Variants in AGPAT4 observed in about 807,000 individuals in gnomAD.
The protein encoded by AGPAT4 is 1-acylglycerol-3-phosphate O-acyltransferase 4.
AGPAT4 carries 15 observed loss-of-function variants against 48.0 expected under a neutral mutation model. That is an observed-to-expected ratio of 0.31 (90% confidence interval 0.21 to 0.48). The LOEUF is 0.48. Ranked by LOEUF, AGPAT4 falls within the 20% of genes least tolerant of loss-of-function variation. The pLI is 0.99. For missense variants in AGPAT4, 314 were observed against 482.5 expected (o/e 0.65, Z 3.27); for synonymous variants, 178 against 198.7 (o/e 0.90, Z 0.88).
rs115023688 is a variant in AGPAT4, at chr6:161,158,660, C to T, written c.349-4350G>A. Among the ~76,000 whole-genome samples the T allele has an allele frequency of 0.01, 1,584 of 152,288 alleles. 29 individuals are homozygous for T. The highest frequency in any genetic ancestry group is 0.036 in the African/African-American group (1,479 of 41,560). ...GACCCTGGACGTTGGGAAGAGCTGACGCAGAGAGGGCCTGAGACCCAGTAC... is the reference window on the plus strand; with the variant it reads ...GACCCTGGACGTTGGGAAGAGCTGATGCAGAGAGGGCCTGAGACCCAGTAC... On this transcript the variant is annotated intron_variant, in intron 3 of 8. Transcript: ENST00000320285. This position sits in a 1 kb window ranked among gnomAD's most constrained non-coding sequence, Gnocchi z 5.3.
chr6:161,223,433 C>T lies in AGPAT4; in HGVS notation c.178+8603G>A, dbSNP rs1236487734. Among the ~76,000 whole-genome samples the T allele has an allele frequency of 6.6e-6, 1 of 152,180 alleles. No homozygotes were observed. Among genetic ancestry groups the T allele is most frequent in the African/African-American group, 2.4e-5 (1 of 41,442 alleles). ...AGGGGATTTTGGAATCTCAGCTCTC[C>T]TCCTCTCTGTTCGGCCTTAGGCAAG... On this transcript the variant is annotated intron_variant, in intron 2 of 8. Transcript: ENST00000320285. This position sits in a 1 kb window ranked among gnomAD's most constrained non-coding sequence, Gnocchi z 6.3.
intron 2 of AGPAT4, among the ~76,000 whole-genome samples, chr6:161,193,855 G>T (rs1780991249): frequency 6.6e-6 from 1 of 152,076 alleles, no homozygotes; most frequent in Non-Finnish European, 1.5e-5. Context: ...ATACTTTTAA[G>T]ATTTAAAAAT....
chr6:161,213,763 C>A (rs935479347), intron 2 of AGPAT4, among the ~76,000 whole-genome samples: 6 of 152,098 alleles, frequency 3.9e-5, no homozygotes, highest in Admixed American at 3.9e-4. Flanking sequence ...CCTCTATTTT[C>A]TCTTCATAGA....
At position 161,270,696 on chromosome 6, in the gene AGPAT4, C is replaced by T. The variant is rs1026290648; in HGVS notation, c.-90+3242G>A. ...ACTCGGGAGGCTGAGGCAGGAGAAT[C>T]GCTTGAATCCAGGAGGGGGAGGTTG... On this transcript the variant is annotated intron_variant, in intron 1 of 8. Coordinates refer to ENST00000320285, the MANE Select transcript of AGPAT4 (RefSeq NM_020133.3). This position sits in a 1 kb window ranked among gnomAD's most constrained non-coding sequence, Gnocchi z 5.3. Among the ~76,000 whole-genome samples, 1 of 152,240 alleles carries T rather than the reference C, an allele frequency of 6.6e-6. No individual in the cohort carries two copies. Among genetic ancestry groups the T allele is most frequent in the East Asian group, 1.9e-4 (1 of 5,174 alleles).
In AGPAT4 at chr6:161,232,217, G is replaced by A; in HGVS notation, c.-4C>T. On this transcript the variant is annotated 5_prime_UTR_variant, in exon 2 of 9. Transcript: ENST00000320285. The surrounding 1 kb of genome is among the most constrained non-coding windows in gnomAD (Gnocchi z 6.8). ...TCAGCAGTCCCGCGAGGTCCATGAT[G>A]CGTGGACGCTCTTATTCAGAAATAA... The A allele has an allele frequency of 1.2e-6, 2 of 1,612,984 alleles. No homozygotes were observed. Among genetic ancestry groups the A allele is most frequent in the Non-Finnish European group, 8.5e-7 (1 of 1,179,436 alleles).
rs1224611658 is a variant in AGPAT4, at chr6:161,189,688, C to T, written c.179-23271G>A. 6.6e-6 allele frequency among the ~76,000 whole-genome samples: 1 copy of T among 152,118 alleles called. No individual in the cohort carries two copies. The highest frequency in any genetic ancestry group is 1.5e-5 in the Non-Finnish European group (1 of 68,026). On this transcript the variant is annotated intron_variant, in intron 2 of 8. Transcript: ENST00000320285. The surrounding 1 kb of genome is among the most constrained non-coding windows in gnomAD (Gnocchi z 5.3). ...TGGGCTCCTCCATCAGTCTCTGGCC[C>T]CCTCTTCCACCTCACTGTCTCCACC...
At chr6:161,253,997 A>G (rs902443912) in intron 1 of AGPAT4, among the ~76,000 whole-genome samples, 1 of 152,190 alleles carries the variant, frequency 6.6e-6, no homozygotes, top group Non-Finnish European at 1.5e-5. Context: ...TGATTTTACT[A>G]TATATTAACA....
At position 161,166,773 on chromosome 6, in the gene AGPAT4, T is replaced by G. The variant is rs1341874385; in HGVS notation, c.179-356A>C. ...GGCAGCGTGAGATGAGGTATAGAAT[T>G]CTTAATATCCTGGAAAATGACTAAT... is the stretch of plus-strand genomic sequence containing the variant. On this transcript the variant is annotated intron_variant, in intron 2 of 8. Coordinates refer to ENST00000320285, the MANE Select transcript of AGPAT4 (RefSeq NM_020133.3). The surrounding 1 kb of genome is among the most constrained non-coding windows in gnomAD (Gnocchi z 6.7). Among the ~76,000 whole-genome samples, 1 of 152,126 alleles carries G rather than the reference T, an allele frequency of 6.6e-6. No individual in the cohort carries two copies. Among genetic ancestry groups the G allele is most frequent in the Non-Finnish European group, 1.5e-5 (1 of 68,024 alleles).
At chr6:161,247,893 A>G (rs1259224344) in intron 1 of AGPAT4, among the ~76,000 whole-genome samples, 3 of 151,218 alleles carry the variant, frequency 2.0e-5, no homozygotes, top group Non-Finnish European at 4.4e-5. Context: ...GAGGCAGGAC[A>G]ATCGCTTGAA....
Position 161,243,928 on chromosome 6 carries a change from T to G in AGPAT4, c.-89-11626A>C, listed in dbSNP as rs141389583. On this transcript the variant is annotated intron_variant, in intron 1 of 8. Transcript: ENST00000320285. The surrounding 1 kb of genome is among the most constrained non-coding windows in gnomAD (Gnocchi z 4.8). ...CACAAGTTTTAATGAAATGATTATG[T>G]CCTTATTCCCAGCCCAGAGGAAGGC... Among the ~76,000 whole-genome samples, 1 of 152,334 alleles carries G rather than the reference T, an allele frequency of 6.6e-6. No homozygotes were observed. Among genetic ancestry groups the G allele is most frequent in the Non-Finnish European group, 1.5e-5 (1 of 68,024 alleles).
rs892683085 is a variant in AGPAT4 at position 161,141,162 on chromosome 6, C to T, written c.844-1542G>A. Among the ~76,000 whole-genome samples the T allele has an allele frequency of 4.9e-4, 75 of 152,044 alleles. No homozygotes were observed. Among genetic ancestry groups the T allele is most frequent in the African/African-American group, 1.7e-3 (72 of 41,476 alleles). ...CACTAGGCCATTTTGGAAGGAGAAC[C>T]CCCAACCCCTTCCCTGGGCAGTTCA... On this transcript the variant is annotated intron_variant, in intron 7 of 8. Coordinates refer to ENST00000320285, the MANE Select transcript of AGPAT4 (RefSeq NM_020133.3). The surrounding 1 kb of genome is among the most constrained non-coding windows in gnomAD (Gnocchi z 6.7).
rs1443353871 is a variant in AGPAT4, at chr6:161,139,323, G to C, written c.1042+99C>G. ...CAAGCTGAGCCTGCTCCTCATCCAC[G>C]GCACAACTGCCTATACAGATGGCCT... On this transcript the variant is annotated intron_variant, in intron 8 of 8. Transcript: ENST00000320285. The surrounding 1 kb of genome is among the most constrained non-coding windows in gnomAD (Gnocchi z 9.1). The C allele has an allele frequency of 1.1e-5, 14 of 1,325,998 alleles. No homozygotes were observed. In the East Asian group the frequency reaches 2.8e-4, roughly 27 times the overall value. The allele number at this position is 1,325,998 out of a possible 1,614,324, so 82.1% of individuals were successfully genotyped here. A position where few individuals can be genotyped will look rare whatever the true frequency, so the allele number is the denominator to read the frequency against.
chr6:161,162,722 A>C (rs1479289884), intron 3 of AGPAT4, among the ~76,000 whole-genome samples: 1 of 152,244 alleles, frequency 6.6e-6, no homozygotes, highest in Non-Finnish European at 1.5e-5. Flanking sequence ...CAAATATCCC[A>C]GTTGGCCCGG....
intron 2 of AGPAT4, among the ~76,000 whole-genome samples, chr6:161,186,524 A>G (rs1780773438): frequency 6.6e-6 from 1 of 151,520 alleles, no homozygotes; most frequent in Admixed American, 6.6e-5. Context: ...CCTCCCTTCC[A>G]TCTCCAGCAC....
Position 161,262,687 on chromosome 6 carries a change from T to C in AGPAT4, c.-90+11251A>G, listed in dbSNP as rs1044899579. Among the ~76,000 whole-genome samples the C allele has an allele frequency of 6.6e-6, 1 of 152,148 alleles. No individual in the cohort carries two copies. The highest frequency in any genetic ancestry group is 1.5e-5 in the Non-Finnish European group (1 of 68,032). On this transcript the variant is annotated intron_variant, in intron 1 of 8. Transcript: ENST00000320285. The surrounding 1 kb of genome is among the most constrained non-coding windows in gnomAD (Gnocchi z 4.9). ...TGCTCAGAAGGTTTGGGTCCGATTA[T>C]TCTTCAGTCCCACGGGGGAGTGAGA...
At position 161,243,501 on chromosome 6, in the gene AGPAT4, G is replaced by A. The variant is rs1358743628; in HGVS notation, c.-89-11199C>T. Among the ~76,000 whole-genome samples the A allele has an allele frequency of 6.6e-6, 1 of 152,212 alleles. No individual in the cohort carries two copies. The highest frequency in any genetic ancestry group is 1.5e-5 in the Non-Finnish European group (1 of 68,038). ...CAAGGCTGTGTGCCCAGAGCCTGCAGGAGAGGCGCTGTTTCCTAGCTGTGC... is the reference window on the plus strand; with the variant it reads ...CAAGGCTGTGTGCCCAGAGCCTGCAAGAGAGGCGCTGTTTCCTAGCTGTGC... On this transcript the variant is annotated intron_variant, in intron 1 of 8. Transcript: ENST00000320285. The surrounding 1 kb of genome is among the most constrained non-coding windows in gnomAD (Gnocchi z 4.8).
At position 161,197,649 on chromosome 6, in the gene AGPAT4, T is replaced by C. The variant is rs1428922874; in HGVS notation, c.179-31232A>G. On this transcript the variant is annotated intron_variant, in intron 2 of 8. Transcript: ENST00000320285. This position sits in a 1 kb window ranked among gnomAD's most constrained non-coding sequence, Gnocchi z 5.7. ...TTTACATTCCCTGCTGTTCCTAACC[T>C]AGAGCCGTTGTCTTGCAGGAGCTCC... is the stretch of plus-strand genomic sequence containing the variant. Among the ~76,000 whole-genome samples the C allele has an allele frequency of 6.6e-6, 1 of 152,136 alleles. No individual in the cohort carries two copies. Among genetic ancestry groups the C allele is most frequent in the Non-Finnish European group, 1.5e-5 (1 of 68,024 alleles).
rs1749543698 is a variant in AGPAT4 at position 161,178,344 on chromosome 6, TC to T, written c.179-11928del. On this transcript the variant is annotated intron_variant, in intron 2 of 8. Coordinates refer to ENST00000320285, the MANE Select transcript of AGPAT4 (RefSeq NM_020133.3). The surrounding 1 kb of genome is among the most constrained non-coding windows in gnomAD (Gnocchi z 5.1). ...AAGCCTCAGCAATGGCGGATGCCCC[TC>T]CCCGAACCTCGCTGCCGCCTTGCAG... is the stretch of plus-strand genomic sequence containing the variant. Among the ~76,000 whole-genome samples, 1 of 152,142 alleles carries T rather than the reference TC, an allele frequency of 6.6e-6. No homozygotes were observed. The highest frequency in any genetic ancestry group is 1.5e-5 in the Non-Finnish European group (1 of 68,014).
Position 161,219,866 on chromosome 6 carries a change from GA to G in AGPAT4, c.178+12169del, listed in dbSNP as rs1562343593. ...AGATAGATAGATAGATAGATAGATAGATAGATAGGCAGGCAGGCAGGCAGGC... is the reference window on the plus strand; with the variant it reads ...AGATAGATAGATAGATAGATAGATAGTAGATAGGCAGGCAGGCAGGCAGGC... On this transcript the variant is annotated intron_variant, in intron 2 of 8. Transcript: ENST00000320285. The surrounding 1 kb of genome is among the most constrained non-coding windows in gnomAD (Gnocchi z 4.9). Among the ~76,000 whole-genome samples the G allele has an allele frequency of 3.3e-5, 4 of 121,418 alleles. No homozygotes were observed. Among genetic ancestry groups the G allele is most frequent in the African/African-American group, 1.4e-4 (4 of 28,786 alleles). 79.7% of individuals were successfully genotyped at this position (121,418 alleles called of 152,430 possible).
Sources: gnomAD v4.1 joint callset for allele counts (sites outside exome capture counted in the v4.1 genomes callset) on GRCh38, gnomAD v4.1.1 for gene constraint, Gnocchi (gnomAD v3.1) non-coding constraint, MANE v1.5 for transcripts, NCBI Gene and HGNC (gene_info 2026-07-23, HGNC 2026-07-21) for gene names.